Variants in VPS13B observed in about 807,000 individuals in gnomAD.
The protein encoded by VPS13B is vacuolar protein sorting 13 homolog B.
Under a neutral mutation model 426.4 loss-of-function variants are expected in VPS13B, and 285 were observed. The observed-to-expected ratio is 0.67, with a 90% CI of 0.61 to 0.74. VPS13B has a LOEUF of 0.74. Ranked by LOEUF, VPS13B falls within the 30% of genes least tolerant of loss-of-function variation. VPS13B has a pLI of 0.00. For synonymous variants in VPS13B, 1,676 were observed against 1,676.4 expected (o/e 1.00, Z 0.01); for missense variants, 4,537 against 4,782.6 (o/e 0.95, Z 1.51).
At chr8:99,639,674 A>G (rs1829226078) in intron 33 of VPS13B, among the ~76,000 whole-genome samples, 1 of 148,686 alleles carries the variant, frequency 6.7e-6, no homozygotes, top group South Asian at 2.1e-4. Flanking sequence ...ATATATAAAA[A>G]TATGTTTTTT....
intron 31 of VPS13B, among the ~76,000 whole-genome samples, chr8:99,558,972 G>T (rs1285539361): frequency 6.6e-6 from 1 of 152,190 alleles, no homozygotes; most frequent in East Asian, 1.9e-4. Flanking sequence ...CTAGATCCTT[G>T]AGGAATTGCC....
In VPS13B at chr8:99,138,830, T is replaced by C. The variant is rs988493686; in HGVS notation, c.1651+2078T>C. 4.6e-5 allele frequency among the ~76,000 whole-genome samples: 7 copies of C among 152,346 alleles called. 1 individual carries two copies. The highest frequency in any genetic ancestry group is 4.6e-4 in the Admixed American group (7 of 15,302). ...TCAATATAATGTCTTATGCATGTGCTGTGGATTCCATGTCTTGTGAGGAGG... is the reference window on the plus strand; with the variant it reads ...TCAATATAATGTCTTATGCATGTGCCGTGGATTCCATGTCTTGTGAGGAGG... On this transcript the variant is annotated intron_variant, in intron 12 of 61. Coordinates refer to ENST00000357162, the MANE Select transcript of VPS13B (RefSeq NM_152564.5).
intron 17 of VPS13B, among the ~76,000 whole-genome samples, chr8:99,207,760 T>C (rs1378530745): frequency 1.3e-5 from 2 of 152,230 alleles, no homozygotes; most frequent in Non-Finnish European, 2.9e-5. Context: ...TTTATTTGCC[T>C]ATGTATTCTT....
chr8:99,679,804 G>T (rs778510678), intron 35 of VPS13B, among the ~76,000 whole-genome samples: 4 of 152,136 alleles, frequency 2.6e-5, no homozygotes, highest in African/African-American at 7.2e-5. Flanking sequence ...CGTCTCCCTT[G>T]TCCACTGTCA....
chr8:99,420,196 T>C (rs902206997), intron 21 of VPS13B, among the ~76,000 whole-genome samples: 3 of 152,158 alleles, frequency 2.0e-5, no homozygotes, highest in African/African-American at 7.2e-5. Context: ...TGAACAAATG[T>C]ATCTTGACTT....
intron 19 of VPS13B, among the ~76,000 whole-genome samples, chr8:99,312,973 T>A (rs967820046): frequency 4.6e-5 from 7 of 152,206 alleles, no homozygotes; most frequent in African/African-American, 1.7e-4. Context: ...CTAAGGAAGG[T>A]TGTGCATTTG....
chr8:99,337,651 A>G (rs910595580), intron 19 of VPS13B, among the ~76,000 whole-genome samples: 1 of 151,856 alleles, frequency 6.6e-6, no homozygotes, highest in African/African-American at 2.4e-5. Context: ...TGCATAATAT[A>G]TTTTCTTAGT....
rs193170374 is a variant in VPS13B at position 99,509,324 on chromosome 8, G to A, written c.4225-1780G>A. On this transcript the variant is annotated intron_variant, in intron 28 of 61. Transcript: ENST00000357162. The stretch of plus-strand genomic sequence containing the variant: ...CAAAAGAGAAACAGTGAAAATGTTG[G>A]GAACAGTGAAAAATGCTTTGAGAGC... Among the ~76,000 whole-genome samples, 3 of 152,030 alleles carry A rather than the reference G, an allele frequency of 2.0e-5. No individual in the cohort carries two copies. In the East Asian group the frequency reaches 5.8e-4, roughly 29 times the overall value.
At chr8:99,380,204 G>A (rs1002934170) in intron 19 of VPS13B, among the ~76,000 whole-genome samples, 3 of 152,012 alleles carry the variant, frequency 2.0e-5, no homozygotes, top group Non-Finnish European at 2.9e-5. Context: ...TTTGAAAACT[G>A]GATATCATAT....
At chr8:99,441,453 G>T (rs1352158205) in intron 22 of VPS13B, among the ~76,000 whole-genome samples, 1 of 152,022 alleles carries the variant, frequency 6.6e-6, no homozygotes, top group African/African-American at 2.4e-5. Context: ...CACACCTCCA[G>T]ATAACATATT....
At chr8:99,188,859 T>C (rs1813377318) in intron 16 of VPS13B, among the ~76,000 whole-genome samples, 1 of 152,208 alleles carries the variant, frequency 6.6e-6, no homozygotes, top group Non-Finnish European at 1.5e-5. Context: ...TGGCCATTTG[T>C]ATATCTTCTT....
rs886668845 is a variant in VPS13B at position 99,817,967 on chromosome 8, G to A, written c.8361+164G>A. Among the ~76,000 whole-genome samples, 12 of 152,080 alleles carry A rather than the reference G, an allele frequency of 7.9e-5. 1 individual carries two copies. Among genetic ancestry groups the A allele is most frequent in the Non-Finnish European group, 2.9e-5 (2 of 68,012 alleles). ...TCAAACTGTTTCCTCCCCATCCCAC[G>A]ACAATACATTTGTATCAGTTCCAGT... On this transcript the variant is annotated intron_variant, in intron 45 of 61. Coordinates refer to ENST00000357162, the MANE Select transcript of VPS13B (RefSeq NM_152564.5).
At chr8:99,100,289 A>G (rs1003525403) in intron 4 of VPS13B, among the ~76,000 whole-genome samples, 2 of 148,660 alleles carry the variant, frequency 1.3e-5, no homozygotes, top group Non-Finnish European at 2.9e-5. Context: ...ATGGAAAGAA[A>G]AAAAAATATA....
At chr8:99,445,860 T>C (rs958498395) in intron 23 of VPS13B, among the ~76,000 whole-genome samples, 2 of 152,236 alleles carry the variant, frequency 1.3e-5, no homozygotes, top group Non-Finnish European at 2.9e-5. Context: ...AGATTTGGCA[T>C]ATATAGAATA....
At chr8:99,860,519 C>A (rs1816781701) in intron 57 of VPS13B, among the ~76,000 whole-genome samples, 1 of 152,180 alleles carries the variant, frequency 6.6e-6, no homozygotes. Flanking sequence ...TATTTTCAGC[C>A]TACTGACTCA....
chr8:99,334,128 TA>T (rs1303586887), intron 19 of VPS13B, among the ~76,000 whole-genome samples: 1 of 151,982 alleles, frequency 6.6e-6, no homozygotes, highest in South Asian at 2.1e-4. Context: ...TTTAACTTTA[TA>T]AAAAACTACT....
chr8:99,118,874 C>T (rs779690016), intron 7 of VPS13B, among the ~76,000 whole-genome samples: 53 of 152,130 alleles, frequency 3.5e-4, no homozygotes, highest in Non-Finnish European at 4.0e-4. Context: ...ACAAATTTCA[C>T]GTAGACATGT....
intron 22 of VPS13B, among the ~76,000 whole-genome samples, chr8:99,434,600 A>G (rs1462276257): frequency 1.3e-5 from 2 of 152,192 alleles, no homozygotes; most frequent in African/African-American, 2.4e-5. Flanking sequence ...CTTTTTAGAA[A>G]TTCATCCAAA....
chr8:99,129,535 C>G (rs543401996), intron 8 of VPS13B, among the ~76,000 whole-genome samples: 1 of 136,186 alleles, frequency 7.3e-6, no homozygotes, highest in Non-Finnish European at 1.5e-5. Flanking sequence ...CCACTGTACT[C>G]TAGCCTGGGT....
Sources: allele counts gnomAD v4.1 joint callset (sites outside exome capture counted in the v4.1 genomes callset), GRCh38; gene constraint gnomAD v4.1.1; transcripts MANE v1.5; gene names NCBI Gene and HGNC (gene_info 2026-07-23, HGNC 2026-07-21).